Variants in SEMA5A observed in about 807,000 individuals in gnomAD.
The protein encoded by SEMA5A is semaphorin-5A.
Under a neutral mutation model 135.5 loss-of-function variants are expected in SEMA5A, and 55 were observed. The observed-to-expected ratio is 0.41, with a 90% CI of 0.33 to 0.51. The LOEUF (loss-of-function observed/expected upper bound fraction) is 0.51, where lower values mean the gene tolerates loss of function less well. Ranked by LOEUF, SEMA5A falls within the 20% of genes least tolerant of loss-of-function variation. SEMA5A has a pLI of 0.37. For missense variants in SEMA5A, 1,290 were observed against 1,419.9 expected, an observed-to-expected ratio of 0.91 and a Z score of 1.47; for synonymous variants, 580 against 546.5, an observed-to-expected ratio of 1.06 and a Z score of -0.85.
At chr5:9,163,116 C>T (rs1266363356) in intron 11 of SEMA5A, among the ~76,000 whole-genome samples, 1 of 152,100 alleles carries the variant, frequency 6.6e-6, no homozygotes, top group Non-Finnish European at 1.5e-5. Flanking sequence ...TATCATACCA[C>T]TGACTACACA....
At chr5:9,384,342 T>C (rs1020116665) in intron 2 of SEMA5A, among the ~76,000 whole-genome samples, 1 of 152,080 alleles carries the variant, frequency 6.6e-6, no homozygotes, top group Non-Finnish European at 1.5e-5. Context: ...GGGCTTTTAG[T>C]GCTCACGCTC....
intron 5 of SEMA5A, among the ~76,000 whole-genome samples, chr5:9,255,799 T>C (rs1749038103): frequency 6.6e-6 from 1 of 152,188 alleles, no homozygotes; most frequent in African/African-American, 2.4e-5. Context: ...TGGAAAGTAT[T>C]AATTCTTCCA....
intron 5 of SEMA5A, among the ~76,000 whole-genome samples, chr5:9,292,974 T>C (rs1751160481): frequency 6.6e-6 from 1 of 152,192 alleles, no homozygotes; most frequent in Admixed American, 6.5e-5. Flanking sequence ...AGTGTGCAGG[T>C]GCAGAAACCC....
chr5:9,073,067 G>T (rs752702999), intron 16 of SEMA5A, among the ~76,000 whole-genome samples: 1 of 152,104 alleles, frequency 6.6e-6, no homozygotes, highest in Non-Finnish European at 1.5e-5. Flanking sequence ...AATTGCAAAC[G>T]AGACAGTATC....
intron 2 of SEMA5A, among the ~76,000 whole-genome samples, chr5:9,391,714 A>C (rs1294333934): frequency 6.6e-6 from 1 of 152,182 alleles, no homozygotes; most frequent in Non-Finnish European, 1.5e-5. Flanking sequence ...ATTTAGCAGA[A>C]GCTATTCTAA....
chr5:9,358,750 G>A (rs1754561544), intron 3 of SEMA5A, among the ~76,000 whole-genome samples: 1 of 152,198 alleles, frequency 6.6e-6, no homozygotes, highest in East Asian at 1.9e-4. Context: ...TATGTTGAAA[G>A]AAACGAAGCT....
chr5:9,299,745 T>G (rs1751517665), intron 5 of SEMA5A, among the ~76,000 whole-genome samples: 1 of 152,172 alleles, frequency 6.6e-6, no homozygotes, highest in African/African-American at 2.4e-5. Flanking sequence ...CTCTCCCAAC[T>G]GAAACTCTAA....
intron 11 of SEMA5A, among the ~76,000 whole-genome samples, chr5:9,166,854 A>G (rs1019174784): frequency 6.6e-6 from 1 of 152,248 alleles, no homozygotes; most frequent in African/African-American, 2.4e-5. Flanking sequence ...GAAGCAATTC[A>G]AGTTTCTGAA....
intron 11 of SEMA5A, among the ~76,000 whole-genome samples, chr5:9,164,564 T>C (rs976474219): frequency 1.3e-5 from 2 of 152,068 alleles, no homozygotes; most frequent in African/African-American, 4.8e-5. Flanking sequence ...ATAACCACCT[T>C]TATATGTAGT....
rs1735838447 is a variant in SEMA5A, at chr5:9,039,417, GAC to G, written c.*3478_*3479del. The G allele has an allele frequency of 6.6e-6, 1 of 152,242 alleles. No homozygotes were observed. The highest frequency in any genetic ancestry group is 2.1e-4 in the South Asian group (1 of 4,826). 9.4% of individuals were successfully genotyped at this position (152,242 alleles called of 1,614,324 possible). ...ATGACATGAACGGACTCTTCCTAGG[GAC>G]AGAGGTTTCTCCCCAGCAGGGATGC... On this transcript the variant is annotated 3_prime_UTR_variant, in exon 23 of 23. Transcript: ENST00000382496.
At chr5:9,116,227 A>T (rs1203415338) in intron 15 of SEMA5A, among the ~76,000 whole-genome samples, 4 of 152,210 alleles carry the variant, frequency 2.6e-5, no homozygotes, top group Non-Finnish European at 5.9e-5. Context: ...GGGACTATGA[A>T]ATTTCAAAAA....
At chr5:9,414,079 A>T (rs950254433) in intron 2 of SEMA5A, among the ~76,000 whole-genome samples, 2 of 152,222 alleles carry the variant, frequency 1.3e-5, no homozygotes, top group African/African-American at 4.8e-5. Flanking sequence ...GTGAGAGCCA[A>T]AAGGATACCC....
At chr5:9,334,366 T>C (rs1753289057) in intron 4 of SEMA5A, among the ~76,000 whole-genome samples, 1 of 152,236 alleles carries the variant, frequency 6.6e-6, no homozygotes, top group South Asian at 2.1e-4. Flanking sequence ...TTTAAAGTTT[T>C]ATATCTTACT....
In SEMA5A at chr5:9,498,421, C is replaced by T. The variant is rs1051422316; in HGVS notation, c.-175+47163G>A. 10 of 152,276 alleles carry T rather than the reference C, an allele frequency of 6.6e-5. No individual in the cohort carries two copies. In the South Asian group the frequency reaches 8.3e-4, roughly 13 times the overall value. The allele number at this position is 152,276 out of a possible 1,614,324, so 9.4% of individuals were successfully genotyped here. A position where few individuals can be genotyped will look rare whatever the true frequency, so the allele number is the denominator to read the frequency against. The stretch of plus-strand genomic sequence containing the variant: ...TTACAAACTTTGTAATACTTTATTT[C>T]GGTTCAGAAATACAATTTAGAAATT... On this transcript the variant is annotated intron_variant, in intron 1 of 22. Coordinates refer to ENST00000382496, the MANE Select transcript of SEMA5A (RefSeq NM_003966.3).
At chr5:9,256,202 G>A (rs1749059613) in intron 5 of SEMA5A, among the ~76,000 whole-genome samples, 1 of 152,128 alleles carries the variant, frequency 6.6e-6, no homozygotes, top group Non-Finnish European at 1.5e-5. Flanking sequence ...AATAGATGAT[G>A]TTTAATACCT....
chr5:9,363,689 G>A (rs1357117675), intron 3 of SEMA5A, among the ~76,000 whole-genome samples: 1 of 152,164 alleles, frequency 6.6e-6, no homozygotes, highest in Non-Finnish European at 1.5e-5. Context: ...GGAGGTAAAG[G>A]AAACTGGAGG....
At chr5:9,496,150 T>C (rs1735289918) in intron 1 of SEMA5A, among the ~76,000 whole-genome samples, 1 of 152,180 alleles carries the variant, frequency 6.6e-6, no homozygotes, top group East Asian at 1.9e-4. Context: ...GTTCAAGCAG[T>C]TCTCCTGCCT....
At chr5:9,342,091 GA>G (rs35363712) in intron 3 of SEMA5A, among the ~76,000 whole-genome samples, 103,338 of 150,132 alleles carry the variant, frequency 0.69, 35,789 homozygotes, top group East Asian at 0.76. Flanking sequence ...AAAAAAGAAA[GA>G]AAAAAAAATC....
At chr5:9,257,505 C>T (rs1011309796) in intron 5 of SEMA5A, among the ~76,000 whole-genome samples, 2 of 151,948 alleles carry the variant, frequency 1.3e-5, no homozygotes, top group Non-Finnish European at 2.9e-5. Context: ...GAAGTGCAAG[C>T]TCCCATGTCA....
Sources: gnomAD v4.1 joint callset for allele counts (sites outside exome capture counted in the v4.1 genomes callset) on GRCh38, gnomAD v4.1.1 for gene constraint, MANE v1.5 for transcripts, NCBI Gene and HGNC (gene_info 2026-07-23, HGNC 2026-07-21) for gene names.